The following TMC1 variants were observed in gnomAD, a reference collection of about 807,000 sequenced individuals.
TMC1 encodes transmembrane channel-like protein 1.
Under a neutral mutation model 105.8 loss-of-function variants are expected in TMC1, and 84 were observed. The ratio of observed to expected loss-of-function variants is 0.79; its 90% CI spans 0.67 to 0.95. The LOEUF is 0.95. Ranked by LOEUF, TMC1 falls within the 40% of genes least tolerant of loss-of-function variation. TMC1 has a pLI of 0.00. For missense variants in TMC1, 817 were observed against 914.1 expected, an observed-to-expected ratio of 0.89 and a Z score of 1.37; for synonymous variants, 315 against 311.5, an observed-to-expected ratio of 1.01 and a Z score of -0.12.
chr9:72,622,686 C>A (rs948176920), intron 3 of TMC1, among the ~76,000 whole-genome samples: 3 of 152,108 alleles, frequency 2.0e-5, no homozygotes, highest in Non-Finnish European at 4.4e-5. Context: ...AGGGAGCTAT[C>A]CACACACTGG....
chr9:72,763,923 T>C (rs1827792926), intron 12 of TMC1, among the ~76,000 whole-genome samples: 1 of 152,154 alleles, frequency 6.6e-6, no homozygotes, highest in Non-Finnish European at 1.5e-5. Flanking sequence ...GAAGAATCTT[T>C]CGATATGACT....
At chr9:72,774,174 T>A (rs903637128) in intron 13 of TMC1, among the ~76,000 whole-genome samples, 4 of 152,130 alleles carry the variant, frequency 2.6e-5, no homozygotes, top group Non-Finnish European at 5.9e-5. Flanking sequence ...CAGTTGTACA[T>A]CAGTAGATTT....
chr9:72,799,186 T>C (rs1314376211), intron 17 of TMC1, among the ~76,000 whole-genome samples: 1 of 152,104 alleles, frequency 6.6e-6, no homozygotes, highest in East Asian at 1.9e-4. Flanking sequence ...TAACGTGCAG[T>C]CCATAAATTG....
At chr9:72,760,862 C>A (rs539913058) in intron 12 of TMC1, among the ~76,000 whole-genome samples, 5 of 152,070 alleles carry the variant, frequency 3.3e-5, no homozygotes, top group African/African-American at 7.2e-5. Flanking sequence ...CATCTGGGAA[C>A]CTTGGAACCT....
At chr9:72,591,184 A>G (rs1388392517) in intron 2 of TMC1, among the ~76,000 whole-genome samples, 3 of 152,148 alleles carry the variant, frequency 2.0e-5, no homozygotes, top group Non-Finnish European at 2.9e-5. Context: ...ATGAGGCTAT[A>G]TCAAGGTGAA....
chr9:72,620,404 GGC>G (rs1266816960), intron 3 of TMC1, among the ~76,000 whole-genome samples: 2 of 150,666 alleles, frequency 1.3e-5, no homozygotes, highest in African/African-American at 2.5e-5. Flanking sequence ...CACCATGCCT[GGC>G]TAATTAAAAA....
Position 72,683,731 on chromosome 9 carries a change from TTTTATATATATATATA to T in TMC1, c.17-4976_17-4961del, listed in dbSNP as rs1473225901. On this transcript the variant is annotated intron_variant, in intron 5 of 23. Coordinates refer to ENST00000297784, the MANE Select transcript of TMC1 (RefSeq NM_138691.3). ...GGTCTGAGTTAACCTGAGTTACACA[TTTTATATATATATATA>T]TATATATATATATATATATATATAT... Among the ~76,000 whole-genome samples, 477 of 49,610 alleles carry T rather than the reference TTTTATATATATATATA, an allele frequency of 9.6e-3. 15 individuals are homozygous for T. The highest frequency in any genetic ancestry group is 0.019 in the African/African-American group (367 of 19,202). 32.5% of individuals were successfully genotyped at this position (49,610 alleles called of 152,430 possible).
chr9:72,804,419 T>C (rs1828533466), intron 17 of TMC1, among the ~76,000 whole-genome samples: 2 of 152,204 alleles, frequency 1.3e-5, no homozygotes, highest in Admixed American at 1.3e-4. Flanking sequence ...AAATACACAA[T>C]TCAATGGTTT....
At chr9:72,596,242 A>G (rs1824718099) in intron 2 of TMC1, among the ~76,000 whole-genome samples, 1 of 152,204 alleles carries the variant, frequency 6.6e-6, no homozygotes, top group African/African-American at 2.4e-5. Flanking sequence ...GCCCATCTGT[A>G]TCACCTTCTC....
At chr9:72,603,866 TTTTTTTTTTTC>T in intron 2 of TMC1, among the ~76,000 whole-genome samples, 1 of 144,906 alleles carries the variant, frequency 6.9e-6, no homozygotes. Flanking sequence ...TTTTTTTTTT[TTTTTTTTTTTC>T]TTTTTTGAGA....
intron 10 of TMC1, among the ~76,000 whole-genome samples, chr9:72,749,771 A>G (rs1325904494): frequency 6.6e-6 from 1 of 152,210 alleles, no homozygotes; most frequent in African/African-American, 2.4e-5. Context: ...TCTAAAAAAA[A>G]ACCTGCCACT....
chr9:72,603,818 G>T (rs1216790113), intron 2 of TMC1, among the ~76,000 whole-genome samples: 1 of 147,660 alleles, frequency 6.8e-6, no homozygotes, highest in African/African-American at 2.5e-5. Context: ...AAAGTGTTGG[G>T]ATTACAGGTG....
At chr9:72,550,143 G>T (rs1182054024) in intron 1 of TMC1, among the ~76,000 whole-genome samples, 1 of 152,082 alleles carries the variant, frequency 6.6e-6, no homozygotes, top group Non-Finnish European at 1.5e-5. Context: ...AGGTGAAGCA[G>T]GACTTTTTTG....
intron 12 of TMC1, among the ~76,000 whole-genome samples, chr9:72,772,024 C>G (rs1246411872): frequency 6.6e-6 from 1 of 152,036 alleles, no homozygotes; most frequent in African/African-American, 2.4e-5. Flanking sequence ...GGAAATCTGC[C>G]ACAGCACTTT....
intron 17 of TMC1, among the ~76,000 whole-genome samples, chr9:72,804,970 T>G (rs1201409149): frequency 6.6e-6 from 1 of 152,266 alleles, no homozygotes; most frequent in African/African-American, 2.4e-5. Flanking sequence ...ATATTCATAC[T>G]GATTTGTAAA....
chr9:72,789,394 C>A, intron 15 of TMC1, 77 bp downstream of exon 15: 1 of 1,479,078 alleles, frequency 6.8e-7, no homozygotes, highest in Non-Finnish European at 9.4e-7. Flanking sequence ...TTTGATGGAA[C>A]ATTTAAAAAG....
rs1348599606 is a variant in TMC1 at position 72,530,842 on chromosome 9, G to T, written c.-428+8929G>T. The stretch of plus-strand genomic sequence containing the variant: ...CCATGATTTTTTTTTTTTTTTTGAG[G>T]TGGAGTCTTACTCTGTCACCCAGGC... On this transcript the variant is annotated intron_variant, in intron 1 of 23. Transcript: ENST00000297784. Among the ~76,000 whole-genome samples, 17 of 139,512 alleles carry T rather than the reference G, an allele frequency of 1.2e-4. 1 individual carries two copies. In the East Asian group the frequency reaches 3.8e-3, roughly 31 times the overall value. 91.5% of individuals were successfully genotyped at this position (139,512 alleles called of 152,430 possible).
At position 72,734,943 on chromosome 9, in the gene TMC1, G is replaced by A. The variant is rs980901229; in HGVS notation, c.363-5176G>A. On this transcript the variant is annotated intron_variant, in intron 8 of 23. Transcript: ENST00000297784. ...CATGACCTAACACTTCTGTGTAATC[G>A]TGGTTGTATCATGTGTTATGGGTAA... Among the ~76,000 whole-genome samples the A allele has an allele frequency of 1.9e-4, 29 of 152,192 alleles. 1 individual carries two copies. Among genetic ancestry groups the A allele is most frequent in the African/African-American group, 1.4e-4 (6 of 41,438 alleles).
intron 1 of TMC1, among the ~76,000 whole-genome samples, chr9:72,529,398 C>T (rs1196776270): frequency 6.6e-6 from 1 of 152,100 alleles, no homozygotes; most frequent in Non-Finnish European, 1.5e-5. Flanking sequence ...ATGGTTGCAC[C>T]TGTGAATAGT....
Sources: allele counts gnomAD v4.1 joint callset (sites outside exome capture counted in the v4.1 genomes callset), GRCh38; gene constraint gnomAD v4.1.1; transcripts MANE v1.5; gene names NCBI Gene and HGNC (gene_info 2026-07-23, HGNC 2026-07-21).